PTPN3: variants seen among roughly 807,000 people sequenced by gnomAD.
PTPN3 encodes the protein protein tyrosine phosphatase non-receptor type 3, also known as tyrosine-protein phosphatase non-receptor type 3.
Under a neutral mutation model 132.7 loss-of-function variants are expected in PTPN3, and 96 were observed. The ratio of observed to expected loss-of-function variants is 0.72; its 90% CI spans 0.61 to 0.86. PTPN3 has a LOEUF of 0.86. PTPN3 is among the 40% of genes least tolerant of loss of function. The probability of loss-of-function intolerance (pLI) is 0.00; values close to 1 mark genes in which losing one functional copy is unlikely to be tolerated. For missense variants in PTPN3, 1,125 were observed against 1,159.6 expected (o/e 0.97, Z 0.43); for synonymous variants, 398 against 429.0 (o/e 0.93, Z 0.89).
chr9:109,433,768 T>A (rs1326839417), intron 9 of PTPN3, among the ~76,000 whole-genome samples: 3 of 151,588 alleles, frequency 2.0e-5, no homozygotes, highest in Non-Finnish European at 4.4e-5. Flanking sequence ...ATTAGGTGGG[T>A]GTGGTAGCAT....
intron 6 of PTPN3, among the ~76,000 whole-genome samples, chr9:109,447,742 C>T (rs1230933879): frequency 6.6e-6 from 1 of 152,182 alleles, no homozygotes; most frequent in East Asian, 1.9e-4. Flanking sequence ...GACTGAACCG[C>T]CCCTGGCCTC....
the PTPN3 span, among the ~76,000 whole-genome samples, chr9:109,531,260 C>T: frequency 7.5e-3 from 1,144 of 152,260 alleles, 10 homozygotes; most frequent in African/African-American, 0.026. Flanking sequence ...TCTAGCTTTT[C>T]CCACCCCCAT....
chr9:109,437,577 G>A (rs537232188), intron 8 of PTPN3, among the ~76,000 whole-genome samples: 3 of 152,300 alleles, frequency 2.0e-5, no homozygotes, highest in East Asian at 3.9e-4. Context: ...ACAAGGAAGG[G>A]GAAGAGCAGC....
chr9:109,377,442 ACACACACACACACAC>A lies in PTPN3; in HGVS notation c.*2099_*2113del, dbSNP rs1838666276. The stretch of plus-strand genomic sequence containing the variant: ...CACACACACACACACACACACACAC[ACACACACACACACAC>A]AAGCCAGGTGAGGTGGCATGTGCCT... On this transcript the variant is annotated 3_prime_UTR_variant, in exon 26 of 26. Coordinates refer to ENST00000374541, the MANE Select transcript of PTPN3 (RefSeq NM_002829.4). The A allele has an allele frequency of 8.0e-6, 1 of 124,516 alleles. No individual in the cohort carries two copies. Among genetic ancestry groups the A allele is most frequent in the Non-Finnish European group, 1.7e-5 (1 of 58,854 alleles). The allele number at this position is 124,516 out of a possible 1,614,324, so 7.7% of individuals were successfully genotyped here.
chr9:109,472,453 T>C (rs1322810859), intron 1 of PTPN3, among the ~76,000 whole-genome samples: 2 of 152,254 alleles, frequency 1.3e-5, no homozygotes, highest in Admixed American at 6.5e-5. Context: ...TTCACCATCA[T>C]TTTTATTTTT....
intron 20 of PTPN3, 38 bp from the exon 21 acceptor site, chr9:109,391,237 AT>A: frequency 6.3e-7 from 1 of 1,577,416 alleles, no homozygotes; most frequent in Non-Finnish European, 8.7e-7. Context: ...TATTCCGAGC[AT>A]TATTTTTATC....
chr9:109,380,214 AATCTATCTATCT>A (rs55963327), intron 25 of PTPN3, among the ~76,000 whole-genome samples: 1,475 of 145,896 alleles, frequency 0.01, 15 homozygotes, highest in Admixed American at 0.024. Context: ...CAGCTAGGAA[AATCTATCTATCT>A]ATCTATCTAT....
chr9:109,458,874 T>A (rs1845690917), intron 2 of PTPN3, among the ~76,000 whole-genome samples: 1 of 152,252 alleles, frequency 6.6e-6, no homozygotes, highest in Non-Finnish European at 1.5e-5. Flanking sequence ...TACAATTTAC[T>A]GAACATCTAC....
upstream of PTPN3, among the ~76,000 whole-genome samples, chr9:109,499,264 G>A (rs535046012): frequency 6.6e-6 from 1 of 152,088 alleles, no homozygotes; most frequent in Non-Finnish European, 1.5e-5. Flanking sequence ...AATTTTCAGT[G>A]AAGCGGTCGG....
chr9:109,404,834 T>C (rs1391278192), intron 18 of PTPN3, among the ~76,000 whole-genome samples: 1 of 152,252 alleles, frequency 6.6e-6, no homozygotes, highest in Non-Finnish European at 1.5e-5. Context: ...TGGTTAGTTT[T>C]AAATAATGGT....
chr9:109,448,651 T>C (rs775009473), intron 6 of PTPN3, among the ~76,000 whole-genome samples, 160 bp downstream of exon 6: 4 of 152,102 alleles, frequency 2.6e-5, no homozygotes, highest in Non-Finnish European at 5.9e-5. Flanking sequence ...AAGACTGAGG[T>C]ATAATAAAAA....
chr9:109,456,124 C>T (rs1413294935), intron 4 of PTPN3, among the ~76,000 whole-genome samples: 1 of 152,204 alleles, frequency 6.6e-6, no homozygotes. Flanking sequence ...GTGTCTACTT[C>T]TTCCTGCCTG....
chr9:109,449,008 G>A (rs1393834077), intron 5 of PTPN3, 153 bp from the exon 6 acceptor site: 11 of 1,432,178 alleles, frequency 7.7e-6, no homozygotes, highest in South Asian at 6.2e-5. Flanking sequence ...GCTACCTTAC[G>A]CTCTGCAAAG....
At chr9:109,448,477 C>T (rs1216362371) in intron 6 of PTPN3, among the ~76,000 whole-genome samples, 2 of 152,130 alleles carry the variant, frequency 1.3e-5, no homozygotes, top group African/African-American at 4.8e-5. Context: ...AAAGTGGACC[C>T]AAATTAGGCC....
intron 1 of PTPN3, among the ~76,000 whole-genome samples, chr9:109,463,875 G>C (rs1292879338): frequency 2.0e-5 from 3 of 152,202 alleles, no homozygotes; most frequent in Non-Finnish European, 4.4e-5. Flanking sequence ...TATTCATTGA[G>C]AGACACCATT....
At position 109,450,875 on chromosome 9, in the gene PTPN3, A is replaced by G. The variant is rs1417717218; in HGVS notation, c.369-2020T>C. The G allele has an allele frequency of 3.0e-6, 3 of 985,328 alleles. No individual in the cohort carries two copies. In the African/African-American group the frequency reaches 5.2e-5, roughly 17 times the overall value. 61.0% of individuals were successfully genotyped at this position (985,328 alleles called of 1,614,324 possible). On this transcript the variant is annotated intron_variant, in intron 5 of 25. Transcript: ENST00000374541. ...CTCTCTGCCTAGATCCTTAACAAAC[A>G]AACAAAAACTAACAGATACCACCTC... is the stretch of plus-strand genomic sequence containing the variant.
intron 5 of PTPN3, among the ~76,000 whole-genome samples, chr9:109,452,266 C>CCA (rs1554799144): frequency 9.8e-5 from 7 of 71,658 alleles, no homozygotes; most frequent in African/African-American, 3.7e-4. Flanking sequence ...AGCTCCGTCT[C>CCA]AAAAAAAAAA....
chr9:109,389,272 T>C lies in PTPN3; in HGVS notation c.2214A>G (p.Ser738=), dbSNP rs1839856793. Residue 738 remains serine, a synonymous_variant, in exon 22 of 26, where the codon TCA becomes TCG. Coordinates refer to ENST00000374541, the MANE Select transcript of PTPN3 (RefSeq NM_002829.4). ...TGAGAGTCGTCAACATGACAATGAG[T>C]GACAACTTCTGATCCCAGACAACCT... The part of the protein sequence containing the change: ...FWQVVWDQKL[S]LIVMLTTLTE... The C allele has an allele frequency of 6.2e-7, 1 of 1,614,126 alleles. No individual in the cohort carries two copies. Among genetic ancestry groups the C allele is most frequent in the African/African-American group, 1.3e-5 (1 of 75,014 alleles).
chr9:109,440,949 C>T (rs748740186), intron 7 of PTPN3, among the ~76,000 whole-genome samples: 7 of 152,152 alleles, frequency 4.6e-5, no homozygotes, highest in East Asian at 1.9e-4. Context: ...AAACACTGGG[C>T]GGTTTCACAT....
Sources: allele counts gnomAD v4.1 joint callset (sites outside exome capture counted in the v4.1 genomes callset), GRCh38; gene constraint gnomAD v4.1.1; transcripts MANE v1.5; gene names NCBI Gene and HGNC (gene_info 2026-07-23, HGNC 2026-07-21).